Variants in DNM2 observed in about 807,000 individuals in gnomAD.
DNM2 encodes dynamin 2.
Under a neutral mutation model 99.0 loss-of-function variants are expected in DNM2, and 15 were observed. The ratio of observed to expected loss-of-function variants is 0.15; its 90% CI spans 0.10 to 0.23. The LOEUF (loss-of-function observed/expected upper bound fraction) is 0.23, where lower values mean the gene tolerates loss of function less well. DNM2 is among the 10% of genes least tolerant of loss of function. DNM2 has a pLI of 1.00. For missense variants in DNM2, 742 were observed against 1,189.4 expected, an observed-to-expected ratio of 0.62 and a Z score of 5.53; for synonymous variants, 525 against 481.2, an observed-to-expected ratio of 1.09 and a Z score of -1.19.
In DNM2 at chr19:10,795,776, G is replaced by T; in HGVS notation, c.1196+337G>T. 1 of 589,454 alleles carries T rather than the reference G, an allele frequency of 1.7e-6. No homozygotes were observed. Among genetic ancestry groups the T allele is most frequent in the Non-Finnish European group, 3.0e-6 (1 of 332,554 alleles). The allele number at this position is 589,454 out of a possible 1,614,324, so 36.5% of individuals were successfully genotyped here. On this transcript the variant is annotated intron_variant, in intron 9 of 20. Transcript: ENST00000389253. This position sits in a 1 kb window ranked among gnomAD's most constrained non-coding sequence, Gnocchi z 4.2. ...GAGGGGCGGGGCGGCACTGAATCAG[G>T]GTTTTGGGAAGCCAGCATGAGTCCC...
intron 3 of DNM2, among the ~76,000 whole-genome samples, chr19:10,774,316 T>TA (rs554079419): frequency 6.5e-4 from 99 of 152,148 alleles, no homozygotes; most frequent in African/African-American, 2.2e-3. Flanking sequence ...CCCTCTATCT[T>TA]AAAAAAAATG....
At chr19:10,790,882 C>T (rs10411300) in intron 7 of DNM2, among the ~76,000 whole-genome samples, 2,079 of 152,002 alleles carry the variant, frequency 0.014, 60 homozygotes, top group African/African-American at 0.047. Flanking sequence ...CCTCCCACCA[C>T]AGCCTCCCGA....
chr19:10,777,665 G>T (rs2071199738), intron 5 of DNM2, among the ~76,000 whole-genome samples: 1 of 152,120 alleles, frequency 6.6e-6, no homozygotes, highest in African/African-American at 2.4e-5. Context: ...CACAATCTCA[G>T]CTCACTGCAA....
intron 16 of DNM2, among the ~76,000 whole-genome samples, chr19:10,821,816 C>T (rs918467273): frequency 6.6e-6 from 1 of 152,172 alleles, no homozygotes; most frequent in African/African-American, 2.4e-5. Context: ...CAGGTGTGAG[C>T]TACTGCACCT....
At chr19:10,802,593 G>C (rs996631586) in intron 12 of DNM2, 3 of 608,162 alleles carry the variant, frequency 4.9e-6, no homozygotes, top group Non-Finnish European at 9.1e-6. Context: ...AGTTTAGGGA[G>C]AGGGCAGTGC....
chr19:10,808,578 C>T lies in DNM2; in HGVS notation c.1555C>T (p.Leu519=), dbSNP rs756735960. ...KRAIPNQGEI[L]VIRRGWLTIN... Reference sequence around the variant, plus strand: ...CTTTGCATATTCAAAGGGGGAGATCCTGGTAAGTACATGCTTAGTGTGGTA... The same window carrying T: ...CTTTGCATATTCAAAGGGGGAGATCTTGGTAAGTACATGCTTAGTGTGGTA... Residue 519 remains leucine (L), a splice_region_variant and synonymous_variant, in exon 14 of 21, where the codon CTG becomes TTG. Transcript: ENST00000389253. 3.1e-6 allele frequency: 5 copies of T among 1,612,244 alleles called. No individual in the cohort carries two copies. In the East Asian group the frequency reaches 6.7e-5, roughly 22 times the overall value.
At chr19:10,721,281 C>T (rs1482488061) in intron 1 of DNM2, among the ~76,000 whole-genome samples, 1 of 152,126 alleles carries the variant, frequency 6.6e-6, no homozygotes, top group East Asian at 1.9e-4. Context: ...CTCAGCCTCC[C>T]GAGTAGCTGG....
At chr19:10,777,265 A>G (rs1231324852) in intron 5 of DNM2, 49 bp downstream of exon 5, 1 of 1,567,096 alleles carries the variant, frequency 6.4e-7, no homozygotes, top group Admixed American at 1.7e-5. Context: ...TGGGGTCCTT[A>G]TCATTACTGA....
rs1568321953 is a variant in DNM2 at position 10,825,174 on chromosome 19, A to G, written c.2011A>G (p.Ile671Val). Residue 671 changes from isoleucine to valine, a missense_variant, in exon 18 of 21, where the codon ATC becomes GTC. Around this residue, in one of 7 missense-constraint regions of DNM2, gnomAD observed 240 missense variants for 431.3 expected, o/e 0.56. Transcript: ENST00000389253. ...DSYVAIINKS[I>V]RDLMPKTIMH... Reference sequence around the variant, plus strand: ...ATACGTGGCCATCATCAACAAGTCCATCCGCGACCTCATGCCAAAGACCAT... The same window carrying G: ...ATACGTGGCCATCATCAACAAGTCCGTCCGCGACCTCATGCCAAAGACCAT... 1 of 1,614,212 alleles carries G rather than the reference A, an allele frequency of 6.2e-7. No individual in the cohort carries two copies. The highest frequency in any genetic ancestry group is 1.3e-5 in the African/African-American group (1 of 75,066).
intron 13 of DNM2, 72 bp downstream of exon 13, chr19:10,806,039 G>A (rs1003893530): frequency 1.2e-5 from 19 of 1,595,422 alleles, no homozygotes; most frequent in Middle Eastern, 1.7e-4. Flanking sequence ...CTAAGCCCCC[G>A]TGATGGAGCT....
At chr19:10,745,063 A>G (rs2145782594) in intron 1 of DNM2, among the ~76,000 whole-genome samples, 1 of 152,318 alleles carries the variant, frequency 6.6e-6, no homozygotes, top group Non-Finnish European at 1.5e-5. Context: ...GTTGGAGACT[A>G]TAAAACAGCA....
intron 2 of DNM2, among the ~76,000 whole-genome samples, chr19:10,761,886 G>C (rs1450372770): frequency 6.6e-6 from 1 of 152,172 alleles, no homozygotes; most frequent in Non-Finnish European, 1.5e-5. Context: ...GTACGCCACC[G>C]ATGGGCCAAT....
intron 1 of DNM2, among the ~76,000 whole-genome samples, chr19:10,756,864 C>A (rs952509189): frequency 1.3e-5 from 2 of 152,102 alleles, no homozygotes; most frequent in African/African-American, 4.8e-5. Context: ...TGCCTGCCAT[C>A]TCTCTGGTTT....
chr19:10,728,118 G>A (rs530942873), intron 1 of DNM2, among the ~76,000 whole-genome samples: 6 of 152,256 alleles, frequency 3.9e-5, no homozygotes, highest in African/African-American at 9.6e-5. Context: ...CCCCTGTGGC[G>A]TCACCCGTAG....
At chr19:10,740,499 C>G (rs2145758748) in intron 1 of DNM2, among the ~76,000 whole-genome samples, 1 of 152,262 alleles carries the variant, frequency 6.6e-6, no homozygotes, top group Admixed American at 6.5e-5. Context: ...CCTCAGCCTC[C>G]TGAGTAGCTG....
At chr19:10,747,490 C>T (rs545883883) in intron 1 of DNM2, among the ~76,000 whole-genome samples, 4 of 152,170 alleles carry the variant, frequency 2.6e-5, no homozygotes, top group South Asian at 4.1e-4. Flanking sequence ...GGGCGGGCCT[C>T]GAGCCGGGAG....
intron 7 of DNM2, among the ~76,000 whole-genome samples, chr19:10,787,552 G>A (rs1306108985): frequency 6.6e-6 from 1 of 150,602 alleles, no homozygotes; most frequent in East Asian, 2.0e-4. Flanking sequence ...GGATCACCAG[G>A]TCAGGAGATT....
At chr19:10,724,556 A>G (rs192482205) in intron 1 of DNM2, among the ~76,000 whole-genome samples, 1 of 152,306 alleles carries the variant, frequency 6.6e-6, no homozygotes, top group East Asian at 1.9e-4. Flanking sequence ...ACCCCTGGAG[A>G]CGGGAAGAGA....
rs1237677745 is a variant in DNM2, at chr19:10,830,246, T to C, written c.2411T>C (p.Phe804Ser). ...GTTCCCGTGGGGGCAGCAGCCTCCT[T>C]CTCGGCGCCCCCAATCCCATCCCGG... is the stretch of plus-strand genomic sequence containing the variant. ...IPVPVGAAAS[F>S]SAPPIPSRPG... Residue 804 changes from phenylalanine (F) to serine (S), a missense_variant, in exon 20 of 21, where the codon TTC becomes TCC. By Grantham distance (155) the Phe-to-Ser change is radical. Transcript: ENST00000389253. The surrounding 1 kb of genome is among the most constrained non-coding windows in gnomAD (Gnocchi z 4.8). 2 of 1,613,732 alleles carry C rather than the reference T, an allele frequency of 1.2e-6. No homozygotes were observed. The highest frequency in any genetic ancestry group is 3.3e-5 in the Admixed American group (2 of 60,006).
Sources: allele counts gnomAD v4.1 joint callset (sites outside exome capture counted in the v4.1 genomes callset), GRCh38; gene constraint gnomAD v4.1.1; regional missense constraint gnomAD v4.1.1; non-coding constraint Gnocchi (gnomAD v3.1); transcripts MANE v1.5; gene names NCBI Gene and HGNC (gene_info 2026-07-23, HGNC 2026-07-21).